ADAMTSL1: variants seen among roughly 807,000 people sequenced by gnomAD.
ADAMTSL1 encodes the protein ADAMTS-like protein 1.
ADAMTSL1 carries 126 observed loss-of-function variants against 201.8 expected under a neutral mutation model. That is an observed-to-expected ratio of 0.62 (90% confidence interval 0.54 to 0.72). The LOEUF is 0.72. Ranked by LOEUF, ADAMTSL1 falls within the 30% of genes least tolerant of loss-of-function variation. The probability of loss-of-function intolerance (pLI) is 0.00; values close to 1 mark genes in which losing one functional copy is unlikely to be tolerated. For synonymous variants in ADAMTSL1, 1,121 were observed against 903.4 expected (o/e 1.24, Z -4.32); for missense variants, 2,679 against 2,277.8 (o/e 1.18, Z -3.59).
At chr9:18,855,428 G>A (rs574672910) in intron 23 of ADAMTSL1, among the ~76,000 whole-genome samples, 2 of 152,144 alleles carry the variant, frequency 1.3e-5, no homozygotes, top group Non-Finnish European at 2.9e-5. Flanking sequence ...CTGACCATCT[G>A]CTGTTCTCTA....
At chr9:18,684,917 G>T in intron 13 of ADAMTSL1, 117 bp downstream of exon 13, 1 of 1,398,670 alleles carries the variant, frequency 7.1e-7, no homozygotes, top group Admixed American at 3.1e-5. Flanking sequence ...TCTCACCAAA[G>T]CTTTTTGGCT....
chr9:18,210,755 C>A (rs531897526), intron 2 of ADAMTSL1, among the ~76,000 whole-genome samples: 1 of 151,430 alleles, frequency 6.6e-6, no homozygotes, highest in African/African-American at 2.4e-5. Context: ...AGGCAGGACA[C>A]CAGTAATTTT....
chr9:18,289,163 A>ATCTG (rs1563861541), intron 2 of ADAMTSL1, among the ~76,000 whole-genome samples: 2 of 125,958 alleles, frequency 1.6e-5, no homozygotes, highest in African/African-American at 6.6e-5. Context: ...CTATCTATCT[A>ATCTG]TCTATCTATC....
chr9:18,812,423 A>C (rs1823561083), intron 20 of ADAMTSL1, among the ~76,000 whole-genome samples: 1 of 152,262 alleles, frequency 6.6e-6, no homozygotes, highest in South Asian at 2.1e-4. Context: ...CTCACATCTT[A>C]CATAAAAATT....
intron 1 of ADAMTSL1, among the ~76,000 whole-genome samples, chr9:18,475,032 T>C (rs959221553): frequency 2.0e-5 from 3 of 152,190 alleles, no homozygotes; most frequent in Non-Finnish European, 4.4e-5. Context: ...CTTGGTTTTA[T>C]GGGCAGAAAA....
chr9:18,070,313 T>C (rs994594537), intron 1 of ADAMTSL1, among the ~76,000 whole-genome samples: 5 of 152,130 alleles, frequency 3.3e-5, no homozygotes, highest in Non-Finnish European at 5.9e-5. Context: ...TCTGACTTGG[T>C]CGACATAGCT....
intron 1 of ADAMTSL1, among the ~76,000 whole-genome samples, chr9:18,013,719 T>A (rs766216668): frequency 2.0e-5 from 3 of 152,098 alleles, no homozygotes; most frequent in Middle Eastern, 3.4e-3. Flanking sequence ...CCACTCCCCA[T>A]GACAAGATGC....
intron 2 of ADAMTSL1, among the ~76,000 whole-genome samples, chr9:18,320,393 A>T (rs1040381036): frequency 6.6e-6 from 1 of 152,228 alleles, no homozygotes; most frequent in Non-Finnish European, 1.5e-5. Flanking sequence ...ACAAGTCCAC[A>T]TATAGTTCTA....
intron 19 of ADAMTSL1, among the ~76,000 whole-genome samples, chr9:18,792,828 A>G (rs1336830564): frequency 6.6e-6 from 1 of 152,212 alleles, no homozygotes; most frequent in Non-Finnish European, 1.5e-5. Context: ...AAAATATTGT[A>G]TGGTTTACCA....
intron 2 of ADAMTSL1, among the ~76,000 whole-genome samples, chr9:18,169,483 A>G (rs1356616244): frequency 2.0e-5 from 3 of 151,984 alleles, no homozygotes; most frequent in African/African-American, 7.3e-5. Context: ...CCATTGATCT[A>G]TATCTCTGTT....
At chr9:18,142,026 C>T (rs907315616) in intron 1 of ADAMTSL1, among the ~76,000 whole-genome samples, 5 of 152,312 alleles carry the variant, frequency 3.3e-5, no homozygotes, top group African/African-American at 1.2e-4. Flanking sequence ...AGTAGGCAAA[C>T]TCAGTAAGTG....
chr9:17,910,371 A>ATT (rs112704514), intron 1 of ADAMTSL1, among the ~76,000 whole-genome samples: 1 of 65,500 alleles, frequency 1.5e-5, no homozygotes, highest in African/African-American at 3.1e-5. Context: ...GACTTGCAGT[A>ATT]TTTTTTTTTT....
chr9:18,648,612 G>T (rs1345661931), intron 7 of ADAMTSL1, among the ~76,000 whole-genome samples: 1 of 151,414 alleles, frequency 6.6e-6, no homozygotes, highest in Non-Finnish European at 1.5e-5. Context: ...GCATTTGCTT[G>T]TCTATAAAGT....
intron 2 of ADAMTSL1, among the ~76,000 whole-genome samples, chr9:18,514,956 T>C (rs1191339629): frequency 1.3e-5 from 2 of 152,184 alleles, no homozygotes; most frequent in Non-Finnish European, 2.9e-5. Flanking sequence ...CTTCTATGCC[T>C]AGTTTGAGAG....
intron 1 of ADAMTSL1, among the ~76,000 whole-genome samples, chr9:17,987,477 G>T (rs1396580445): frequency 6.6e-6 from 1 of 152,020 alleles, no homozygotes; most frequent in Non-Finnish European, 1.5e-5. Flanking sequence ...AAAGCAAAGA[G>T]AATTTAAACG....
intron 5 of ADAMTSL1, among the ~76,000 whole-genome samples, chr9:18,626,840 T>TCTTTCTTTCTTTCC (rs199727189): frequency 1.3e-4 from 10 of 78,454 alleles, no homozygotes; most frequent in African/African-American, 5.3e-4. Context: ...TTACTTTCTT[T>TCTTTCTTTCTTTCC]TTCTTTCTTT....
chr9:18,343,760 T>G (rs147226263), intron 2 of ADAMTSL1, among the ~76,000 whole-genome samples: 115 of 152,262 alleles, frequency 7.6e-4, no homozygotes, highest in African/African-American at 2.6e-3. Flanking sequence ...TGTAATAAAC[T>G]GTGATGCATT....
chr9:18,794,079 A>G, intron 19 of ADAMTSL1, among the ~76,000 whole-genome samples: 1 of 151,942 alleles, frequency 6.6e-6, no homozygotes, highest in East Asian at 1.9e-4. Context: ...TTTTCTCTCC[A>G]TGACCTTGAA....
chr9:17,908,860 G>A (rs1014567722), intron 1 of ADAMTSL1, among the ~76,000 whole-genome samples: 2 of 152,150 alleles, frequency 1.3e-5, no homozygotes, highest in East Asian at 3.9e-4. Flanking sequence ...TGGGTCAAAT[G>A]GTATTTCTAG....
Sources: gnomAD v4.1 joint callset for allele counts (sites outside exome capture counted in the v4.1 genomes callset) on GRCh38, gnomAD v4.1.1 for gene constraint, MANE v1.5 for transcripts, NCBI Gene and HGNC (gene_info 2026-07-23, HGNC 2026-07-21) for gene names.